Variants in PPP2R5C observed in about 807,000 individuals in gnomAD.
PPP2R5C encodes the protein serine/threonine-protein phosphatase 2A 56 kDa regulatory subunit gamma isoform.
A neutral mutation model predicts 68.9 loss-of-function variants in PPP2R5C; 7 were observed. The ratio of observed to expected loss-of-function variants is 0.10; its 90% confidence interval spans 0.06 to 0.19. PPP2R5C has a LOEUF of 0.19. Ranked by LOEUF, PPP2R5C falls within the 10% of genes least tolerant of loss-of-function variation. The probability of loss-of-function intolerance (pLI) is 1.00; values close to 1 mark genes in which losing one functional copy is unlikely to be tolerated. For missense variants in PPP2R5C, 348 were observed against 641.3 expected (o/e 0.54, Z 4.94); for synonymous variants, 210 against 222.2 (o/e 0.95, Z 0.49).
At chr14:101,898,683 T>A (rs554876593) in intron 8 of PPP2R5C, among the ~76,000 whole-genome samples, 2 of 152,310 alleles carry the variant, frequency 1.3e-5, no homozygotes, top group African/African-American at 2.4e-5. Flanking sequence ...TAGGCCCCGA[T>A]GTTCCCACCC....
At chr14:101,850,699 A>G (rs2042106980) in intron 1 of PPP2R5C, among the ~76,000 whole-genome samples, 1 of 152,178 alleles carries the variant, frequency 6.6e-6, no homozygotes, top group Non-Finnish European at 1.5e-5. Context: ...AGTGGCCAAG[A>G]AGAGAGAGAG....
intron 1 of PPP2R5C, among the ~76,000 whole-genome samples, chr14:101,840,754 A>G (rs1453366054): frequency 6.6e-6 from 1 of 152,188 alleles, no homozygotes; most frequent in Non-Finnish European, 1.5e-5. Flanking sequence ...GCAAAGCACT[A>G]TTGCTGTGCT....
chr14:101,818,945 A>T lies in PPP2R5C; in HGVS notation c.94+8909A>T, dbSNP rs780970345. 2.9e-6 allele frequency: 4 copies of T among 1,402,534 alleles called. No homozygotes were observed. The South Asian group carries it at 4.9e-5, about 17-fold the overall frequency. 86.9% of individuals were successfully genotyped at this position (1,402,534 alleles called of 1,614,324 possible). ...TACTCATGAGCAATGTGTTCTAATT[A>T]TGGTATTTTAACTTATAACTTATGA... On this transcript the variant is annotated intron_variant, in intron 1 of 13. Transcript: ENST00000334743.
intron 2 of PPP2R5C, among the ~76,000 whole-genome samples, chr14:101,866,067 G>C (rs1180743173): frequency 6.6e-6 from 1 of 152,048 alleles, no homozygotes; most frequent in Admixed American, 6.5e-5. Flanking sequence ...GCTAATTTTT[G>C]TATTTTTAAT....
intron 2 of PPP2R5C, among the ~76,000 whole-genome samples, chr14:101,866,036 AG>A (rs1042408101): frequency 3.9e-5 from 6 of 152,116 alleles, no homozygotes; most frequent in African/African-American, 1.4e-4. Flanking sequence ...CTGGGATTAC[AG>A]GCATGCGCCA....
intron 10 of PPP2R5C, 50 bp from the exon 13 acceptor site, chr14:101,909,539 G>A (rs375081593): frequency 5.4e-6 from 7 of 1,305,820 alleles, no homozygotes; most frequent in African/African-American, 4.4e-5. Flanking sequence ...AGAGGCGAGG[G>A]CTCAGCAGGA....
At chr14:101,881,415 A>G (rs1290680557) in intron 2 of PPP2R5C, among the ~76,000 whole-genome samples, 1 of 152,180 alleles carries the variant, frequency 6.6e-6, no homozygotes, top group Admixed American at 6.6e-5. Context: ...TAAATAAATA[A>G]ATACATAGAT....
At chr14:101,889,343 G>A (rs1287272970) in intron 5 of PPP2R5C, among the ~76,000 whole-genome samples, 1 of 152,202 alleles carries the variant, frequency 6.6e-6, no homozygotes, top group Non-Finnish European at 1.5e-5. Context: ...GGTGCACGAG[G>A]CTTGGGGCAG....
upstream of PPP2R5C, chr14:101,761,810 G>A (rs1240022820): frequency 3.1e-6 from 3 of 967,838 alleles, no homozygotes; most frequent in East Asian, 2.4e-4. Context: ...GGCCGCGGGG[G>A]CGCGACGGCC....
At chr14:101,878,535 C>T (rs948436012) in intron 2 of PPP2R5C, among the ~76,000 whole-genome samples, 1 of 152,138 alleles carries the variant, frequency 6.6e-6, no homozygotes, top group Non-Finnish European at 1.5e-5. Flanking sequence ...TGACTGGGTG[C>T]CTCAGTCAGG....
intron 1 of PPP2R5C, among the ~76,000 whole-genome samples, chr14:101,829,915 G>A (rs2040634899): frequency 6.6e-6 from 1 of 151,744 alleles, no homozygotes; most frequent in South Asian, 2.1e-4. Context: ...CCTAGGGACC[G>A]AACACTGGTT....
chr14:101,773,177 G>A (rs1434568415), intron 2 of PPP2R5C, among the ~76,000 whole-genome samples: 1 of 152,202 alleles, frequency 6.6e-6, no homozygotes, highest in Non-Finnish European at 1.5e-5. Flanking sequence ...TGCCTCCAGT[G>A]AGGGCACAGA....
Position 101,883,018 on chromosome 14 carries a change from A to T in PPP2R5C, c.406-239A>T, listed in dbSNP as rs952396294. On this transcript the variant is annotated intron_variant, in intron 3 of 13. Coordinates refer to ENST00000334743, the Ensembl canonical transcript of PPP2R5C. The stretch of plus-strand genomic sequence containing the variant: ...TGTACTATAACTGATGACATCAGCC[A>T]TGGAGATCATTTTGTTTAAATGCCG... 5.2e-5 allele frequency: 23 copies of T among 444,688 alleles called. No individual in the cohort carries two copies. The Middle Eastern group carries it at 2.4e-3, about 47-fold the overall frequency. The allele number at this position is 444,688 out of a possible 1,614,324, so 27.5% of individuals were successfully genotyped here.
At chr14:101,895,818 C>T (rs1489765159) in intron 8 of PPP2R5C, among the ~76,000 whole-genome samples, 1 of 152,054 alleles carries the variant, frequency 6.6e-6, no homozygotes, top group Non-Finnish European at 1.5e-5. Context: ...TTTTCAGTTC[C>T]TTTGGATATA....
At chr14:101,766,643 C>T (rs994416687) in intron 2 of PPP2R5C, 1 of 152,168 alleles carries the variant, frequency 6.6e-6, no homozygotes, top group Non-Finnish European at 1.5e-5. Flanking sequence ...TGACTTGTTG[C>T]TTCTGCACAC....
intron 2 of PPP2R5C, among the ~76,000 whole-genome samples, chr14:101,782,120 C>A (rs1595143735): frequency 1.3e-5 from 1 of 77,808 alleles, no homozygotes; most frequent in African/African-American, 5.3e-5. Flanking sequence ...CCCCCTCCCC[C>A]TTCTTCCCCT....
chr14:101,870,116 C>T (rs1414947502), intron 2 of PPP2R5C, among the ~76,000 whole-genome samples: 1 of 117,640 alleles, frequency 8.5e-6, no homozygotes, highest in Non-Finnish European at 1.6e-5. Context: ...AGATTTTTTG[C>T]GAGATACATG....
chr14:101,816,909 TA>T (rs1158723953), intron 1 of PPP2R5C, among the ~76,000 whole-genome samples: 2 of 137,498 alleles, frequency 1.5e-5, no homozygotes, highest in African/African-American at 5.6e-5. Flanking sequence ...AATATATATA[TA>T]ATATATATAT....
chr14:101,854,704 G>T (rs1323601605), intron 1 of PPP2R5C, among the ~76,000 whole-genome samples: 1 of 152,148 alleles, frequency 6.6e-6, no homozygotes, highest in Non-Finnish European at 1.5e-5. Flanking sequence ...CAGGGCCCCA[G>T]TGCTCCTAAA....
Sources: allele counts gnomAD v4.1 joint callset (sites outside exome capture counted in the v4.1 genomes callset), GRCh38; gene constraint gnomAD v4.1.1; transcripts MANE v1.5; gene names NCBI Gene and HGNC (gene_info 2026-07-23, HGNC 2026-07-21).